The following DPP10 variants were observed in gnomAD, a reference collection of about 807,000 sequenced individuals.
The protein encoded by DPP10 is dipeptidyl peptidase like 10.
A neutral mutation model predicts 120.9 loss-of-function variants in DPP10; 33 were observed. The ratio of observed to expected loss-of-function variants is 0.27; its 90% CI spans 0.21 to 0.37. The LOEUF (loss-of-function observed/expected upper bound fraction) is 0.37, where lower values mean the gene tolerates loss of function less well. Among genes scored for constraint, DPP10 ranks in the 10% least tolerant of loss-of-function variants. DPP10 has a pLI of 1.00. For missense variants in DPP10, 816 were observed against 942.8 expected (o/e 0.87, Z 1.76); for synonymous variants, 337 against 326.1 (o/e 1.03, Z -0.36).
chr2:114,564,801 C>T (rs933462026), intron 1 of DPP10, among the ~76,000 whole-genome samples: 7 of 152,122 alleles, frequency 4.6e-5, no homozygotes, highest in African/African-American at 1.7e-4. Flanking sequence ...CTGTTCCAAC[C>T]ATTGATAAAC....
chr2:115,135,872 GC>G (rs2050626809), intron 1 of DPP10, among the ~76,000 whole-genome samples: 1 of 152,134 alleles, frequency 6.6e-6, no homozygotes, highest in Admixed American at 6.6e-5. Context: ...TGATTCTCAT[GC>G]CAAAAGGGTA....
intron 3 of DPP10, among the ~76,000 whole-genome samples, chr2:115,429,079 C>T (rs1402238103): frequency 6.6e-6 from 1 of 151,708 alleles, no homozygotes; most frequent in African/African-American, 2.4e-5. Flanking sequence ...AAAAGAAACA[C>T]CGAAAAAAGA....
chr2:114,909,420 G>A (rs2106635244), intron 1 of DPP10, among the ~76,000 whole-genome samples: 1 of 152,114 alleles, frequency 6.6e-6, no homozygotes, highest in Admixed American at 6.5e-5. Flanking sequence ...CTTTGGCCTT[G>A]AGGCATCTGT....
At chr2:114,798,974 C>T (rs1358701114) in intron 1 of DPP10, among the ~76,000 whole-genome samples, 1 of 151,914 alleles carries the variant, frequency 6.6e-6, no homozygotes, top group Non-Finnish European at 1.5e-5. Flanking sequence ...ACTAGAAATA[C>T]AAAAAATAGC....
intron 1 of DPP10, among the ~76,000 whole-genome samples, chr2:114,601,812 T>C (rs1477176984): frequency 6.6e-6 from 1 of 151,972 alleles, no homozygotes; most frequent in Non-Finnish European, 1.5e-5. Context: ...TGTAAATAAA[T>C]GGTGTCATTA....
chr2:115,318,687 A>G (rs2106086953), intron 2 of DPP10, among the ~76,000 whole-genome samples: 1 of 152,260 alleles, frequency 6.6e-6, no homozygotes, highest in South Asian at 2.1e-4. Flanking sequence ...GATACTGTAA[A>G]TAGAACCTTA....
intron 1 of DPP10, among the ~76,000 whole-genome samples, chr2:115,101,811 T>C (rs1262108305): frequency 7.9e-5 from 12 of 152,210 alleles, no homozygotes; most frequent in Admixed American, 7.9e-4. Flanking sequence ...CACATGTTTT[T>C]CCAAGGCCTC....
chr2:115,070,827 T>C (rs1402335974), intron 1 of DPP10, among the ~76,000 whole-genome samples: 1 of 152,158 alleles, frequency 6.6e-6, no homozygotes, highest in African/African-American at 2.4e-5. Context: ...GAGTTTTAAA[T>C]AAGAAAATGT....
intron 5 of DPP10, among the ~76,000 whole-genome samples, chr2:115,550,753 A>C (rs1022510918): frequency 1.3e-5 from 2 of 152,088 alleles, no homozygotes; most frequent in African/African-American, 2.4e-5. Context: ...GCCTGGTATA[A>C]TTTAAGATCT....
At chr2:114,751,804 A>G (rs749313793) in intron 1 of DPP10, among the ~76,000 whole-genome samples, 18 of 152,186 alleles carry the variant, frequency 1.2e-4, no homozygotes, top group Non-Finnish European at 1.8e-4. Flanking sequence ...CCTCATTAAA[A>G]TCTTGTTCTC....
intron 1 of DPP10, among the ~76,000 whole-genome samples, chr2:114,618,529 C>T (rs1693845718): frequency 6.6e-6 from 1 of 152,002 alleles, no homozygotes; most frequent in African/African-American, 2.4e-5. Flanking sequence ...ACACTCAATA[C>T]TCTAAGCATA....
rs192002380 is a variant in DPP10 at position 114,885,965 on chromosome 2, G to A, written c.61-423274G>A. Among the ~76,000 whole-genome samples, 7 of 152,136 alleles carry A rather than the reference G, an allele frequency of 4.6e-5. No individual in the cohort carries two copies. In the East Asian group the frequency reaches 5.8e-4, roughly 13 times the overall value. On this transcript the variant is annotated intron_variant, in intron 1 of 25. Transcript: ENST00000410059. ...GTAAGAGTTTTAAAATATAATGTGC[G>A]AAGAGTTCTTAACATAAACTCACCG... is the stretch of plus-strand genomic sequence containing the variant.
At chr2:114,523,392 A>G (rs967886635) in intron 1 of DPP10, among the ~76,000 whole-genome samples, 1 of 152,160 alleles carries the variant, frequency 6.6e-6, no homozygotes, top group Admixed American at 6.5e-5. Context: ...GGGCTTTAGC[A>G]CCAGCACCCA....
intron 3 of DPP10, among the ~76,000 whole-genome samples, chr2:115,455,274 T>G (rs530590578): frequency 6.6e-6 from 1 of 151,958 alleles, no homozygotes; most frequent in African/African-American, 2.4e-5. Flanking sequence ...ATCAAAATTC[T>G]AAGTAGGCTT....
chr2:115,171,827 G>A lies in DPP10; in HGVS notation c.61-137412G>A, dbSNP rs200533028. ...TGTGATGTGCTAGTTCTAGGTCAGT[G>A]GTCCTTAGACTTTTGGCACCTGGCC... is the stretch of plus-strand genomic sequence containing the variant. On this transcript the variant is annotated intron_variant, in intron 1 of 25. Transcript: ENST00000410059. Among the ~76,000 whole-genome samples the A allele has an allele frequency of 4.6e-5, 7 of 152,208 alleles. No homozygotes were observed. The East Asian group carries it at 1.4e-3, about 29-fold the overall frequency.
chr2:114,619,381 A>ATGTGTGTG (rs71998520), intron 1 of DPP10, among the ~76,000 whole-genome samples: 1,636 of 146,350 alleles, frequency 0.011, 28 homozygotes, highest in African/African-American at 0.038. Flanking sequence ...ATATATACAT[A>ATGTGTGTG]TGTGTGTGTG....
chr2:115,207,440 A>AAAAAAAAAG (rs1275054543), intron 1 of DPP10, among the ~76,000 whole-genome samples: 1 of 134,788 alleles, frequency 7.4e-6, no homozygotes, highest in African/African-American at 3.0e-5. Flanking sequence ...AAAAAAAAAA[A>AAAAAAAAAG]AAAAAAGCTT....
intron 1 of DPP10, among the ~76,000 whole-genome samples, chr2:114,492,204 G>A (rs1158957640): frequency 3.3e-5 from 5 of 151,954 alleles, no homozygotes; most frequent in South Asian, 2.1e-4. Context: ...TTCACCGAGC[G>A]ACTCTTTTTT....
intron 1 of DPP10, among the ~76,000 whole-genome samples, chr2:114,997,515 A>AC (rs879711171): frequency 1.3e-4 from 20 of 151,202 alleles, no homozygotes; most frequent in Non-Finnish European, 2.8e-4. Context: ...AAAAAAAGAA[A>AC]AAAATTCATA....
Sources: gnomAD v4.1 joint callset for allele counts (sites outside exome capture counted in the v4.1 genomes callset) on GRCh38, gnomAD v4.1.1 for gene constraint, MANE v1.5 for transcripts, NCBI Gene and HGNC (gene_info 2026-07-23, HGNC 2026-07-21) for gene names.